Variants in RBM46 observed in about 807,000 individuals in gnomAD.
RBM46 encodes probable RNA-binding protein 46.
A neutral mutation model predicts 43.3 loss-of-function variants in RBM46; 12 were observed. The ratio of observed to expected loss-of-function variants is 0.28; its 90% confidence interval spans 0.18 to 0.45. The LOEUF (loss-of-function observed/expected upper bound fraction) is 0.45. Ranked by LOEUF, RBM46 falls within the 20% of genes least tolerant of loss-of-function variation. RBM46 has a pLI of 1.00. For synonymous variants in RBM46, 205 were observed against 207.6 expected, an observed-to-expected ratio of 0.99 and a Z score of 0.11; for missense variants, 412 against 639.1, an observed-to-expected ratio of 0.64 and a Z score of 3.83.
At chr4:154,817,419 G>A (rs1004427430) in intron 4 of RBM46, among the ~76,000 whole-genome samples, 3 of 146,230 alleles carry the variant, frequency 2.1e-5, no homozygotes, top group Non-Finnish European at 4.5e-5. Context: ...TGCAACCTCC[G>A]CCTCCTGGGT....
rs1734442035 is a variant in RBM46 at position 154,798,191 on chromosome 4, A to T, written c.532A>T (p.Thr178Ser). The change falls in exon 3 of 5, where the codon ACT becomes TCT. Residue 178 changes from threonine to serine, a missense_variant. This residue lies in a region of RBM46 where 48 missense variants were observed against 78.9 expected (regional missense o/e 0.61). Coordinates refer to ENST00000281722, the MANE Select transcript of RBM46 (RefSeq NM_144979.5). Reference sequence around the variant, plus strand: ...AGATGTCATTGTTTATCCAAGTGCAACTGATAAGACCAAAAATCGTGGTTT... The same window carrying T: ...AGATGTCATTGTTTATCCAAGTGCATCTGATAAGACCAAAAATCGTGGTTT... ...VVDVIVYPSATDKTKNRGFAF... is the reference protein window; with the variant it reads ...VVDVIVYPSASDKTKNRGFAF... 1.2e-6 allele frequency: 2 copies of T among 1,613,414 alleles called. No individual in the cohort carries two copies. The highest frequency in any genetic ancestry group is 1.7e-6 in the Non-Finnish European group (2 of 1,179,844).
At chr4:154,790,502 T>A (rs550812805) in intron 1 of RBM46, 2 of 152,244 alleles carry the variant, frequency 1.3e-5, no homozygotes, top group African/African-American at 4.8e-5. Flanking sequence ...AATAAATTTT[T>A]AAAAAAAGCA....
Position 154,793,740 on chromosome 4 carries a change from T to C in RBM46, c.-11-3002T>C, listed in dbSNP as rs552584490. On this transcript the variant is annotated intron_variant, in intron 1 of 4. Coordinates refer to ENST00000281722, the MANE Select transcript of RBM46 (RefSeq NM_144979.5). Reference sequence around the variant, plus strand: ...TTTTGAAAAATTGGAAAATTTGGTATAACTAGGCAAGCTGGATTCTCTTGT... The same window carrying C: ...TTTTGAAAAATTGGAAAATTTGGTACAACTAGGCAAGCTGGATTCTCTTGT... 3.3e-5 allele frequency among the ~76,000 whole-genome samples: 5 copies of C among 152,318 alleles called. No individual in the cohort carries two copies. The South Asian group carries it at 1.0e-3, about 32-fold the overall frequency.
In RBM46 at chr4:154,799,048, A is replaced by G; in HGVS notation, c.886A>G (p.Ile296Val). The G allele has an allele frequency of 1.9e-6, 3 of 1,614,200 alleles. No individual in the cohort carries two copies. Among genetic ancestry groups the G allele is most frequent in the Non-Finnish European group, 2.5e-6 (3 of 1,180,028 alleles). The change falls in exon 4 of 5, where the codon ATT (isoleucine) becomes GTT (valine). Residue 296 changes from isoleucine to valine, a missense_variant. By Grantham distance (29) the Ile-to-Val change is conservative. Transcript: ENST00000281722. ...CATGTCTGTTATGAATGGAAAATGC[A>G]TTGATGGAGCAAGTATTGAGGTAAC... Reference protein sequence around the residue: ...AAMSVMNGKCIDGASIEVTLA... With the variant: ...AAMSVMNGKCVDGASIEVTLA...
intron 1 of RBM46, among the ~76,000 whole-genome samples, chr4:154,783,709 T>G (rs999287500): frequency 3.9e-5 from 6 of 151,944 alleles, no homozygotes; most frequent in African/African-American, 1.4e-4. Flanking sequence ...TTAGTTACAG[T>G]TTTTTTAAAT....
At chr4:154,816,351 G>A (rs1340883990) in intron 4 of RBM46, among the ~76,000 whole-genome samples, 1 of 151,820 alleles carries the variant, frequency 6.6e-6, no homozygotes, top group Non-Finnish European at 1.5e-5. Context: ...TTATAGTATT[G>A]GGTCTTCTGA....
At position 154,799,110 on chromosome 4, in the gene RBM46, A is replaced by G; in HGVS notation, c.948A>G (p.Arg316=). 6.2e-7 allele frequency: 1 copy of G among 1,614,112 alleles called. No homozygotes were observed. Among genetic ancestry groups the G allele is most frequent in the Non-Finnish European group, 8.5e-7 (1 of 1,179,978 alleles). The change falls in exon 4 of 5, where the codon AGA becomes AGG. Residue 316 remains arginine, a synonymous_variant. Coordinates refer to ENST00000281722, the MANE Select transcript of RBM46 (RefSeq NM_144979.5). ...AKPVNKENTW[R]QHLNGQISPN... is the part of the protein sequence containing the mutation. ...CAGTAAATAAAGAAAACACTTGGAG[A>G]CAGCATCTTAATGGTCAGATTAGTC...
Position 154,827,906 on chromosome 4 carries a change from CCT to C in RBM46, c.1442_1443del (p.Pro481ArgfsTer2). 6.2e-7 allele frequency: 1 copy of C among 1,613,816 alleles called. No homozygotes were observed. Among genetic ancestry groups the C allele is most frequent in the Non-Finnish European group, 8.5e-7 (1 of 1,179,798 alleles). On this transcript the variant is annotated frameshift_variant, in exon 5 of 5. Transcript: ENST00000281722. LOFTEE classifies it high-confidence loss of function. The stretch of plus-strand genomic sequence containing the variant: ...TCGCAGCTCAATAAATAGTCTTTCC[CCT>C]GTTAGTGCTACCCTCTCTTCTGGGA... ...FHRSSINSLS[P>X]VSATLSSGTP...
intron 1 of RBM46, among the ~76,000 whole-genome samples, chr4:154,788,661 A>G (rs904537887): frequency 6.6e-6 from 1 of 152,170 alleles, no homozygotes; most frequent in African/African-American, 2.4e-5. Context: ...TGTCTTGGCA[A>G]TGTAGGCTCT....
At chr4:154,804,906 A>G (rs750090779) in intron 4 of RBM46, among the ~76,000 whole-genome samples, 1 of 151,750 alleles carries the variant, frequency 6.6e-6, no homozygotes, top group South Asian at 2.1e-4. Context: ...CTAAAGATAA[A>G]TAAAACATTG....
chr4:154,827,745 A>G, intron 4 of RBM46, 123 bp from the exon 5 acceptor site: 3 of 1,527,006 alleles, frequency 2.0e-6, no homozygotes, highest in Middle Eastern at 2.1e-4. Flanking sequence ...ATATAGTATC[A>G]TCAAGATTTC....
chr4:154,797,364 G>T (rs542332629), intron 2 of RBM46, among the ~76,000 whole-genome samples: 1 of 152,234 alleles, frequency 6.6e-6, no homozygotes, highest in South Asian at 2.1e-4. Context: ...TAAAAATCTG[G>T]CTTCTGGGTA....
At chr4:154,807,853 A>G (rs1462426913) in intron 4 of RBM46, among the ~76,000 whole-genome samples, 1 of 151,978 alleles carries the variant, frequency 6.6e-6, no homozygotes, top group Non-Finnish European at 1.5e-5. Flanking sequence ...TATTAATGAC[A>G]TGCGGGTCCT....
chr4:154,784,254 T>C (rs1733649742), intron 1 of RBM46, among the ~76,000 whole-genome samples: 1 of 152,222 alleles, frequency 6.6e-6, no homozygotes, highest in Admixed American at 6.5e-5. Flanking sequence ...ACTTGGAAGA[T>C]GAAGTTTCAG....
chr4:154,799,644 G>C, intron 4 of RBM46, 80 bp downstream of exon 4: 1 of 1,007,158 alleles, frequency 9.9e-7, no homozygotes. Flanking sequence ...CATTTATTTT[G>C]AACTCAACAT....
At chr4:154,783,392 G>A (rs1354998411) in intron 1 of RBM46, among the ~76,000 whole-genome samples, 1 of 152,178 alleles carries the variant, frequency 6.6e-6, no homozygotes, top group Admixed American at 6.5e-5. Flanking sequence ...TTATTTTATT[G>A]TTAGGAGAAG....
At chr4:154,815,938 G>A (rs964748479) in intron 4 of RBM46, among the ~76,000 whole-genome samples, 9 of 151,836 alleles carry the variant, frequency 5.9e-5, no homozygotes, top group African/African-American at 4.8e-5. Flanking sequence ...AGTCCGCCCC[G>A]CTCATATGAA....
At chr4:154,807,810 T>C (rs2111168597) in intron 4 of RBM46, among the ~76,000 whole-genome samples, 1 of 152,028 alleles carries the variant, frequency 6.6e-6, no homozygotes, top group Non-Finnish European at 1.5e-5. Flanking sequence ...TGGATTTTCA[T>C]GCTCCTTAAG....
chr4:154,801,831 T>C (rs570373980), intron 4 of RBM46, among the ~76,000 whole-genome samples: 1 of 152,272 alleles, frequency 6.6e-6, no homozygotes, highest in South Asian at 2.1e-4. Context: ...AAACCGATAG[T>C]TCCCTAAGAA....
Sources: allele counts gnomAD v4.1 joint callset (sites outside exome capture counted in the v4.1 genomes callset), GRCh38; gene constraint gnomAD v4.1.1; regional missense constraint gnomAD v4.1.1; transcripts MANE v1.5; gene names NCBI Gene and HGNC (gene_info 2026-07-23, HGNC 2026-07-21).